Variants in ITPR1 observed in about 807,000 individuals in gnomAD.
The protein encoded by ITPR1 is inositol 1,4,5-trisphosphate-gated calcium channel ITPR1.
In ITPR1, 96 loss-of-function variants were observed where a neutral mutation model predicts 318.4. The ratio of observed to expected loss-of-function variants is 0.30; its 90% CI spans 0.26 to 0.36. ITPR1 has a LOEUF of 0.36. Among genes scored for constraint, ITPR1 ranks in the 10% least tolerant of loss-of-function variants. The probability of loss-of-function intolerance (pLI) is 1.00; values close to 1 mark genes in which losing one functional copy is unlikely to be tolerated. For missense variants in ITPR1, 2,440 were observed against 3,460.2 expected, an observed-to-expected ratio of 0.71 and a Z score of 7.40; for synonymous variants, 1,312 against 1,289.9, an observed-to-expected ratio of 1.02 and a Z score of -0.37.
At chr3:4,723,765 C>A (rs1369299775) in intron 40 of ITPR1, among the ~76,000 whole-genome samples, 1 of 151,848 alleles carries the variant, frequency 6.6e-6, no homozygotes, top group East Asian at 1.9e-4. Context: ...GCCTATAATT[C>A]TTTTGTTCTG....
intron 12 of ITPR1, among the ~76,000 whole-genome samples, chr3:4,654,489 G>C (rs748933155): frequency 6.6e-6 from 1 of 152,174 alleles, no homozygotes; most frequent in Admixed American, 6.5e-5. Flanking sequence ...TAGACACTTT[G>C]GACTTCAGGT....
rs139725547 is a variant in ITPR1 at position 4,649,888 on chromosome 3, G to T, written c.856-2235G>T. ...GCAGTGTTCTTATTCATCAAGACTC[G>T]GCCTCATGACCTAATCACCTCCCAA... is the stretch of plus-strand genomic sequence containing the variant. On this transcript the variant is annotated intron_variant, in intron 10 of 61. Transcript: ENST00000649015. Among the ~76,000 whole-genome samples the T allele has an allele frequency of 3.9e-5, 6 of 152,124 alleles. No homozygotes were observed. The East Asian group carries it at 1.2e-3, about 29-fold the overall frequency.
At chr3:4,529,965 G>C (rs1373381887) in intron 4 of ITPR1, among the ~76,000 whole-genome samples, 3 of 152,146 alleles carry the variant, frequency 2.0e-5, no homozygotes, top group Non-Finnish European at 4.4e-5. Flanking sequence ...GCTGGGATTT[G>C]AACCCAGTCA....
At chr3:4,689,901 C>T (rs755419017) in intron 31 of ITPR1, among the ~76,000 whole-genome samples, 24 of 152,180 alleles carry the variant, frequency 1.6e-4, no homozygotes, top group African/African-American at 4.8e-5. Flanking sequence ...AAGACATTTG[C>T]GATGCACGTT....
At chr3:4,738,965 A>G (rs984303368) in intron 44 of ITPR1, among the ~76,000 whole-genome samples, 1 of 152,228 alleles carries the variant, frequency 6.6e-6, no homozygotes, top group Non-Finnish European at 1.5e-5. Flanking sequence ...TGGGGGGCCC[A>G]GTCTAACCCA....
intron 44 of ITPR1, among the ~76,000 whole-genome samples, chr3:4,746,739 A>G (rs1258468961): frequency 6.6e-6 from 1 of 152,188 alleles, no homozygotes; most frequent in African/African-American, 2.4e-5. Flanking sequence ...TGTATAAACT[A>G]TTCTGGGAAT....
chr3:4,534,929 G>A (rs960252635), intron 4 of ITPR1, among the ~76,000 whole-genome samples: 1 of 152,094 alleles, frequency 6.6e-6, no homozygotes, highest in Non-Finnish European at 1.5e-5. Flanking sequence ...ACTTTGCTTC[G>A]GTCTTGTCGA....
At chr3:4,597,513 CA>C (rs997423660) in intron 4 of ITPR1, among the ~76,000 whole-genome samples, 1 of 152,036 alleles carries the variant, frequency 6.6e-6, no homozygotes, top group African/African-American at 2.4e-5. Context: ...AGAGGGAAGA[CA>C]AAAGGGTGTT....
At chr3:4,674,722 G>A (rs897982890) in intron 22 of ITPR1, among the ~76,000 whole-genome samples, 9 of 152,144 alleles carry the variant, frequency 5.9e-5, no homozygotes, top group Admixed American at 4.6e-4. Flanking sequence ...TGCCTTTTAA[G>A]AGCTGTATTG....
intron 3 of ITPR1, among the ~76,000 whole-genome samples, chr3:4,518,390 C>T (rs961360849): frequency 6.6e-6 from 1 of 152,170 alleles, no homozygotes; most frequent in African/African-American, 2.4e-5. Flanking sequence ...TGATGAGTCC[C>T]TCCTGCCCTT....
intron 12 of ITPR1, among the ~76,000 whole-genome samples, chr3:4,657,644 T>A (rs961472627): frequency 6.6e-6 from 1 of 152,068 alleles, no homozygotes; most frequent in Non-Finnish European, 1.5e-5. Flanking sequence ...ATTTTTGTAT[T>A]TTTAGTATTG....
At chr3:4,639,665 C>T (rs890209408) in intron 6 of ITPR1, among the ~76,000 whole-genome samples, 195 bp downstream of exon 6, 1 of 152,170 alleles carries the variant, frequency 6.6e-6, no homozygotes, top group Non-Finnish European at 1.5e-5. Context: ...CATCTCTCAG[C>T]GTGAGCATCT....
At position 4,811,165 on chromosome 3, in the gene ITPR1, C is replaced by CT. The variant is rs1429411089; in HGVS notation, c.7273-99dup. 2.2e-5 allele frequency: 16 copies of CT among 742,854 alleles called. No homozygotes were observed. The Admixed American group carries it at 3.9e-4, about 18-fold the overall frequency. 46.0% of individuals were successfully genotyped at this position (742,854 alleles called of 1,614,324 possible). On this transcript the variant is annotated intron_variant, in intron 55 of 61. Transcript: ENST00000649015. ...GATCATATGTAGTGCTTTTGAGTGT[C>CT]TAAGAGGGCAAACTCTCTATAAACC...
chr3:4,714,284 C>T (rs879624904), intron 39 of ITPR1, among the ~76,000 whole-genome samples: 1 of 152,092 alleles, frequency 6.6e-6, no homozygotes, highest in Non-Finnish European at 1.5e-5. Context: ...GTTCTTTGGC[C>T]TGGGTGCTGA....
intron 2 of ITPR1, among the ~76,000 whole-genome samples, chr3:4,508,627 G>A (rs960999040): frequency 1.2e-4 from 19 of 152,024 alleles, no homozygotes; most frequent in African/African-American, 4.4e-4. Flanking sequence ...CCTATCTTGA[G>A]CTGCTGCTTA....
At chr3:4,802,556 C>T (rs1207761451) in intron 54 of ITPR1, among the ~76,000 whole-genome samples, 3 of 152,138 alleles carry the variant, frequency 2.0e-5, no homozygotes, top group Non-Finnish European at 2.9e-5. Context: ...GGCACCGTGG[C>T]TCAAGCCTGT....
rs1416128214 is a variant in ITPR1 at position 4,784,572 on chromosome 3, T to TG, written c.6615+652_6615+653insG. Among the ~76,000 whole-genome samples, 473 of 146,160 alleles carry TG rather than the reference T, an allele frequency of 3.2e-3. 2 individuals are homozygous for TG. The highest frequency in any genetic ancestry group is 0.01 in the African/African-American group (422 of 40,384). ...AATCAGATCTGTGTTTTTTGTTTTT[T>TG]TTTTTTTTTTAAAAAAGGTGTCATG... On this transcript the variant is annotated intron_variant, in intron 51 of 61. Transcript: ENST00000649015.
chr3:4,563,942 C>A (rs907411135), intron 4 of ITPR1, among the ~76,000 whole-genome samples: 1 of 149,548 alleles, frequency 6.7e-6, no homozygotes. Flanking sequence ...GATTTGTTTT[C>A]TTTTCTTTTT....
At chr3:4,842,329 C>T (rs949777837) in intron 61 of ITPR1, among the ~76,000 whole-genome samples, 3 of 152,236 alleles carry the variant, frequency 2.0e-5, no homozygotes, top group African/African-American at 7.2e-5. Context: ...ACTGTTTATC[C>T]TTAGCTACAT....
Sources: gnomAD v4.1 joint callset for allele counts (sites outside exome capture counted in the v4.1 genomes callset) on GRCh38, gnomAD v4.1.1 for gene constraint, MANE v1.5 for transcripts, NCBI Gene and HGNC (gene_info 2026-07-23, HGNC 2026-07-21) for gene names.